The following SNX24 variants were observed in gnomAD, a reference collection of about 807,000 sequenced individuals.
The protein encoded by SNX24 is sorting nexin 24.
In SNX24, 22 loss-of-function variants were observed where a neutral mutation model predicts 28.7. That is an observed-to-expected ratio of 0.77 (90% CI 0.55 to 1.10). SNX24 has a LOEUF of 1.10. Among genes scored for constraint, SNX24 ranks in the 50% least tolerant of loss-of-function variants. The pLI, the probability that SNX24 is intolerant of heterozygous loss-of-function variation, is 0.00. For missense variants in SNX24, 221 were observed against 201.1 expected, an observed-to-expected ratio of 1.10 and a Z score of -0.60; for synonymous variants, 69 against 71.5, an observed-to-expected ratio of 0.96 and a Z score of 0.18.
chr5:123,017,216 C>A (rs989356283), intron 5 of SNX24, among the ~76,000 whole-genome samples: 1 of 151,992 alleles, frequency 6.6e-6, no homozygotes. Flanking sequence ...AATGGGGATT[C>A]GAATTTAATG....
intron 3 of SNX24, among the ~76,000 whole-genome samples, chr5:122,961,895 A>G (rs1293409208): frequency 2.0e-5 from 3 of 152,224 alleles, no homozygotes; most frequent in African/African-American, 7.2e-5. Flanking sequence ...GTTTGTCATC[A>G]TAATTGGTGA....
At chr5:123,020,480 A>G (rs1051274322) in intron 5 of SNX24, among the ~76,000 whole-genome samples, 4 of 152,214 alleles carry the variant, frequency 2.6e-5, no homozygotes, top group Admixed American at 6.5e-5. Context: ...CTCTAACATC[A>G]GTCTTAATGA....
rs562371630 is a variant in SNX24, at chr5:122,984,591, A to G, written c.250-15321A>G. 6.6e-5 allele frequency among the ~76,000 whole-genome samples: 10 copies of G among 152,332 alleles called. No homozygotes were observed. In the South Asian group the frequency reaches 2.1e-3, roughly 32 times the overall value. On this transcript the variant is annotated intron_variant, in intron 3 of 6. Transcript: ENST00000261369. Reference sequence around the variant, plus strand: ...CTCATAAGGAAATATCAGTGAGACAAAACAAGAAAAGTTATCGCAGTTGGG... The same window carrying G: ...CTCATAAGGAAATATCAGTGAGACAGAACAAGAAAAGTTATCGCAGTTGGG...
intron 2 of SNX24, 148 bp from the exon 3 acceptor site, chr5:122,945,907 A>G (rs1759660557): frequency 6.1e-6 from 3 of 489,134 alleles, no homozygotes; most frequent in Non-Finnish European, 1.1e-5. Context: ...ACAAAATTGC[A>G]GTGTAATTAT....
At chr5:122,903,657 A>G (rs1168955297) in intron 1 of SNX24, among the ~76,000 whole-genome samples, 2 of 152,108 alleles carry the variant, frequency 1.3e-5, no homozygotes, top group Non-Finnish European at 2.9e-5. Context: ...GTTTTTGGCC[A>G]TGTGCTTAAT....
At chr5:122,938,352 G>T (rs1342729910) in intron 2 of SNX24, among the ~76,000 whole-genome samples, 1 of 152,118 alleles carries the variant, frequency 6.6e-6, no homozygotes, top group Non-Finnish European at 1.5e-5. Flanking sequence ...TCTTCTCTCA[G>T]TTTCTGCAGC....
chr5:122,855,817 G>A (rs1215420427), intron 1 of SNX24, among the ~76,000 whole-genome samples: 2 of 152,124 alleles, frequency 1.3e-5, no homozygotes, highest in Non-Finnish European at 2.9e-5. Flanking sequence ...ATCATGAGGA[G>A]TCCATTGTAG....
intron 2 of SNX24, among the ~76,000 whole-genome samples, chr5:122,939,289 A>G (rs1001206178): frequency 2.6e-5 from 4 of 152,218 alleles, no homozygotes; most frequent in Non-Finnish European, 1.5e-5. Context: ...TCCAAAAATT[A>G]GATTTGTTTA....
At chr5:123,005,163 C>T (rs1762382186) in intron 6 of SNX24, among the ~76,000 whole-genome samples, 1 of 152,188 alleles carries the variant, frequency 6.6e-6, no homozygotes, top group Admixed American at 6.5e-5. Flanking sequence ...ATCCCATTCA[C>T]TTTTTGTCAG....
downstream of SNX24, among the ~76,000 whole-genome samples, chr5:123,013,411 G>T (rs193020876): frequency 1.4e-4 from 21 of 152,194 alleles, no homozygotes; most frequent in African/African-American, 4.8e-4. Context: ...CTTTGTTTTG[G>T]TTTTTATTCT....
At chr5:122,914,183 A>G (rs909832194) in intron 1 of SNX24, among the ~76,000 whole-genome samples, 2 of 152,194 alleles carry the variant, frequency 1.3e-5, no homozygotes, top group African/African-American at 2.4e-5. Context: ...TTCTGTTTAT[A>G]TGCTGGATAT....
At chr5:122,859,590 A>T (rs55861675) in intron 1 of SNX24, among the ~76,000 whole-genome samples, 1 of 152,020 alleles carries the variant, frequency 6.6e-6, no homozygotes, top group African/African-American at 2.4e-5. Context: ...TGGCAGAGCA[A>T]GACACTATCT....
chr5:122,901,280 GA>G (rs776475113), intron 1 of SNX24, among the ~76,000 whole-genome samples: 53 of 150,332 alleles, frequency 3.5e-4, no homozygotes, highest in Non-Finnish European at 5.6e-4. Flanking sequence ...TGGATCTCTT[GA>G]AATATAGCTT....
At chr5:122,985,771 C>G (rs1280886617) in intron 3 of SNX24, among the ~76,000 whole-genome samples, 2 of 152,192 alleles carry the variant, frequency 1.3e-5, no homozygotes, top group Admixed American at 1.3e-4. Flanking sequence ...TAAAGTTTCT[C>G]TTTATACTAA....
intron 1 of SNX24, among the ~76,000 whole-genome samples, chr5:122,857,582 C>G (rs1015119205): frequency 6.6e-6 from 1 of 151,864 alleles, no homozygotes; most frequent in African/African-American, 2.4e-5. Context: ...TCCAGTAGGC[C>G]CCAGTGTCTG....
intron 3 of SNX24, among the ~76,000 whole-genome samples, chr5:122,966,108 A>G (rs1760702754): frequency 6.6e-6 from 1 of 152,220 alleles, no homozygotes; most frequent in Non-Finnish European, 1.5e-5. Context: ...CTACAGTTAT[A>G]TAAGAAGGAC....
downstream of SNX24, among the ~76,000 whole-genome samples, chr5:123,013,104 C>T (rs1258751393): frequency 6.6e-6 from 1 of 152,158 alleles, no homozygotes; most frequent in Non-Finnish European, 1.5e-5. Context: ...GGAAAAGACC[C>T]TGAAGAAGCA....
chr5:122,935,965 A>T (rs186645412), intron 1 of SNX24, among the ~76,000 whole-genome samples: 1 of 152,210 alleles, frequency 6.6e-6, no homozygotes, highest in African/African-American at 2.4e-5. Context: ...GATCCTGCTA[A>T]CCATCCCTCC....
intron 3 of SNX24, among the ~76,000 whole-genome samples, chr5:122,990,539 T>C (rs750770396): frequency 1.3e-5 from 2 of 152,142 alleles, no homozygotes; most frequent in Non-Finnish European, 2.9e-5. Flanking sequence ...TGGGGGAATG[T>C]TTAAGGGGCC....
Sources: allele counts gnomAD v4.1 joint callset (sites outside exome capture counted in the v4.1 genomes callset), GRCh38; gene constraint gnomAD v4.1.1; transcripts MANE v1.5; gene names NCBI Gene and HGNC (gene_info 2026-07-23, HGNC 2026-07-21).